The following TRAPPC9 variants were observed in gnomAD, a reference collection of about 807,000 sequenced individuals.
TRAPPC9 encodes the protein trafficking protein particle complex subunit 9.
Under a neutral mutation model 124.0 loss-of-function variants are expected in TRAPPC9, and 83 were observed. The ratio of observed to expected loss-of-function variants is 0.67; its 90% CI spans 0.56 to 0.80. The LOEUF (loss-of-function observed/expected upper bound fraction) is 0.80. TRAPPC9 is among the 30% of genes least tolerant of loss of function. The pLI is 0.00. For missense variants in TRAPPC9, 1,302 were observed against 1,508.3 expected, an observed-to-expected ratio of 0.86 and a Z score of 2.27; for synonymous variants, 638 against 617.5, an observed-to-expected ratio of 1.03 and a Z score of -0.49.
chr8:139,988,704 C>T lies in TRAPPC9; in HGVS notation c.2810+22G>A, dbSNP rs1260711770. ...AGGCAGAGGGTGGCCTGCGGCGGCG[C>T]GAGGGTCTATGGGACACTTACCGCT... is the stretch of plus-strand genomic sequence containing the variant. On this transcript the variant is annotated intron_variant, in intron 19 of 22. Coordinates refer to ENST00000438773, the MANE Select transcript of TRAPPC9 (RefSeq NM_001160372.4). The T allele has an allele frequency of 3.6e-5, 55 of 1,514,348 alleles. No individual in the cohort carries two copies. The Admixed American group carries it at 4.3e-4, about 12-fold the overall frequency. The allele number at this position is 1,514,348 out of a possible 1,614,324, so 93.8% of individuals were successfully genotyped here.
intron 19 of TRAPPC9, among the ~76,000 whole-genome samples, chr8:139,912,632 C>T (rs1831822418): frequency 6.6e-6 from 1 of 152,188 alleles, no homozygotes; most frequent in Non-Finnish European, 1.5e-5. Context: ...TACACCACTG[C>T]CAATACTGGC....
At chr8:140,416,848 A>C (rs1408863848) in intron 5 of TRAPPC9, among the ~76,000 whole-genome samples, 1 of 152,226 alleles carries the variant, frequency 6.6e-6, no homozygotes, top group African/African-American at 2.4e-5. Context: ...CCAAAACAGC[A>C]TGGTACTGGT....
At chr8:140,046,918 A>G (rs1289445378) in intron 17 of TRAPPC9, among the ~76,000 whole-genome samples, 1 of 152,250 alleles carries the variant, frequency 6.6e-6, no homozygotes, top group Non-Finnish European at 1.5e-5. Flanking sequence ...AATGGGACAG[A>G]TATTCCTTAT....
At chr8:140,267,987 C>A (rs936908214) in intron 15 of TRAPPC9, among the ~76,000 whole-genome samples, 11 of 151,990 alleles carry the variant, frequency 7.2e-5, no homozygotes, top group Non-Finnish European at 1.0e-4. Flanking sequence ...ATTCGTAGTA[C>A]TGAGATATAA....
intron 1 of TRAPPC9, among the ~76,000 whole-genome samples, chr8:140,454,638 C>A (rs2071586601): frequency 1.4e-5 from 1 of 72,760 alleles, no homozygotes. Flanking sequence ...AAGACTCCCT[C>A]TCAAAAAAAA....
chr8:140,207,578 C>T (rs1416780123), intron 17 of TRAPPC9, among the ~76,000 whole-genome samples: 5 of 152,154 alleles, frequency 3.3e-5, no homozygotes, highest in East Asian at 1.9e-4. Flanking sequence ...GCACTGGTGG[C>T]GGCTGGTTTT....
In TRAPPC9 at chr8:139,972,351, T is replaced by A. The variant is rs200184046; in HGVS notation, c.2810+16375A>T. Among the ~76,000 whole-genome samples, 3 of 152,286 alleles carry A rather than the reference T, an allele frequency of 2.0e-5. No individual in the cohort carries two copies. The East Asian group carries it at 5.8e-4, about 29-fold the overall frequency. On this transcript the variant is annotated intron_variant, in intron 19 of 22. Coordinates refer to ENST00000438773, the MANE Select transcript of TRAPPC9 (RefSeq NM_001160372.4). ...TGCTTCTGTACAGAACAACAACATT[T>A]GATACTTGTTTTTACCAAAGTTTTC...
chr8:139,939,154 C>A (rs1833739095), intron 19 of TRAPPC9, among the ~76,000 whole-genome samples: 1 of 152,192 alleles, frequency 6.6e-6, no homozygotes, highest in African/African-American at 2.4e-5. Context: ...GGCAACTCCA[C>A]CATACTTCGC....
intron 17 of TRAPPC9, among the ~76,000 whole-genome samples, chr8:140,161,432 T>G (rs372275225): frequency 1.3e-5 from 2 of 152,218 alleles, no homozygotes; most frequent in African/African-American, 4.8e-5. Flanking sequence ...TTTTCGCATT[T>G]TGGAATATCT....
chr8:140,180,598 G>A (rs2062178573), intron 17 of TRAPPC9, among the ~76,000 whole-genome samples: 1 of 151,876 alleles, frequency 6.6e-6, no homozygotes, highest in Non-Finnish European at 1.5e-5. Context: ...GTCTTCTGGA[G>A]AGGAATTCTC....
intron 21 of TRAPPC9, among the ~76,000 whole-genome samples, chr8:139,840,539 C>A (rs529645323): frequency 3.3e-5 from 5 of 152,288 alleles, no homozygotes; most frequent in African/African-American, 9.6e-5. Context: ...AATTGGAGGT[C>A]GGCGAGGGTA....
intron 21 of TRAPPC9, among the ~76,000 whole-genome samples, chr8:139,821,249 A>C (rs749460284): frequency 2.0e-5 from 3 of 152,390 alleles, no homozygotes; most frequent in Middle Eastern, 6.8e-3. Context: ...AGCCAGCGAA[A>C]AGCAAGTGAA....
At chr8:140,392,357 C>T (rs533883786) in intron 7 of TRAPPC9, among the ~76,000 whole-genome samples, 2 of 152,308 alleles carry the variant, frequency 1.3e-5, no homozygotes, top group Admixed American at 6.5e-5. Flanking sequence ...AGAGGTTCTG[C>T]CTTTTCATCT....
intron 7 of TRAPPC9, among the ~76,000 whole-genome samples, chr8:140,395,765 C>T (rs902605486): frequency 1.3e-5 from 2 of 152,124 alleles, no homozygotes; most frequent in African/African-American, 4.8e-5. Flanking sequence ...CTCTCCTCCA[C>T]CCCCTGCCCT....
At chr8:139,882,260 C>A (rs181965851) in intron 21 of TRAPPC9, among the ~76,000 whole-genome samples, 4 of 152,108 alleles carry the variant, frequency 2.6e-5, no homozygotes, top group African/African-American at 9.7e-5. Context: ...CCCAGAGCAA[C>A]GTGTGAGGTC....
intron 11 of TRAPPC9, among the ~76,000 whole-genome samples, chr8:140,291,752 T>G (rs1229231556): frequency 6.6e-6 from 1 of 152,274 alleles, no homozygotes; most frequent in African/African-American, 2.4e-5. Context: ...GGGCTTGTTC[T>G]AATCAGGTGA....
At chr8:139,874,120 G>A (rs1027210753) in intron 21 of TRAPPC9, among the ~76,000 whole-genome samples, 4 of 152,264 alleles carry the variant, frequency 2.6e-5, no homozygotes, top group Admixed American at 6.5e-5. Context: ...GAACTGACCA[G>A]GGCTGTCGTA....
chr8:140,033,831 G>C (rs1840706694), intron 17 of TRAPPC9, among the ~76,000 whole-genome samples: 1 of 151,844 alleles, frequency 6.6e-6, no homozygotes, highest in Non-Finnish European at 1.5e-5. Flanking sequence ...ACAGAGGTGT[G>C]CCACCATACC....
chr8:140,425,321 G>A (rs2070384642), intron 5 of TRAPPC9, among the ~76,000 whole-genome samples: 1 of 152,142 alleles, frequency 6.6e-6, no homozygotes, highest in African/African-American at 2.4e-5. Context: ...TCTCATTTGG[G>A]ACCATTACAG....
Sources: gnomAD v4.1 joint callset for allele counts (sites outside exome capture counted in the v4.1 genomes callset) on GRCh38, gnomAD v4.1.1 for gene constraint, MANE v1.5 for transcripts, NCBI Gene and HGNC (gene_info 2026-07-23, HGNC 2026-07-21) for gene names.